AK4: variants seen among roughly 807,000 people sequenced by gnomAD.
The protein encoded by AK4 is adenylate kinase 4, also known as adenylate kinase 4, mitochondrial.
In AK4, 13 loss-of-function variants were observed where a neutral mutation model predicts 24.6. That is an observed-to-expected ratio of 0.53 (90% CI 0.34 to 0.84). The LOEUF is 0.84. AK4 is among the 40% of genes least tolerant of loss of function. AK4 has a pLI of 0.01. For missense variants in AK4, 192 were observed against 288.2 expected, an observed-to-expected ratio of 0.67 and a Z score of 2.42; for synonymous variants, 88 against 107.0, an observed-to-expected ratio of 0.82 and a Z score of 1.10.
intron 2 of AK4, among the ~76,000 whole-genome samples, chr1:65,209,895 C>G (rs533163156): frequency 1.2e-4 from 19 of 152,148 alleles, no homozygotes; most frequent in African/African-American, 4.3e-4. Context: ...GCAGCCTTGG[C>G]CTCCTGGACT....
At chr1:65,211,507 C>T (rs140589987) in intron 2 of AK4, among the ~76,000 whole-genome samples, 3 of 152,270 alleles carry the variant, frequency 2.0e-5, no homozygotes, top group Admixed American at 1.3e-4. Flanking sequence ...TGGTACATGG[C>T]GTGTGATTGT....
At chr1:65,211,494 G>A (rs1355348124) in intron 2 of AK4, among the ~76,000 whole-genome samples, 2 of 152,242 alleles carry the variant, frequency 1.3e-5, no homozygotes, top group Non-Finnish European at 2.9e-5. Context: ...AGACAGCATG[G>A]TGTGGTACAT....
chr1:65,179,225 G>C (rs1241120966), intron 1 of AK4, among the ~76,000 whole-genome samples: 1 of 152,236 alleles, frequency 6.6e-6, no homozygotes, highest in African/African-American at 2.4e-5. Flanking sequence ...ACAGTCAGCA[G>C]CTCGGTTCTT....
intron 2 of AK4, among the ~76,000 whole-genome samples, chr1:65,215,103 A>G (rs1001857480): frequency 6.6e-6 from 1 of 152,130 alleles, no homozygotes; most frequent in Admixed American, 6.5e-5. Flanking sequence ...CTACTCTAGG[A>G]AAGTCTGGGA....
At chr1:65,183,107 A>T (rs2101028663) in intron 1 of AK4, among the ~76,000 whole-genome samples, 1 of 152,300 alleles carries the variant, frequency 6.6e-6, no homozygotes, top group African/African-American at 2.4e-5. Flanking sequence ...TATTTTGTGG[A>T]TTTAAAGAGT....
At chr1:65,162,986 A>G (rs1224985274) in intron 1 of AK4, among the ~76,000 whole-genome samples, 1 of 152,162 alleles carries the variant, frequency 6.6e-6, no homozygotes, top group African/African-American at 2.4e-5. Flanking sequence ...TTTATTGCCA[A>G]ATAATTTATT....
At chr1:65,155,094 C>A (rs1018915174) in intron 1 of AK4, among the ~76,000 whole-genome samples, 6 of 151,530 alleles carry the variant, frequency 4.0e-5, no homozygotes, top group Non-Finnish European at 7.4e-5. Context: ...AGGTGATCCA[C>A]CTGCCTCGGC....
intron 1 of AK4, among the ~76,000 whole-genome samples, chr1:65,151,635 A>T (rs1649774646): frequency 6.6e-6 from 1 of 152,164 alleles, no homozygotes; most frequent in Non-Finnish European, 1.5e-5. Flanking sequence ...CCTAATGTAT[A>T]AAAGGAGCTT....
intron 1 of AK4, among the ~76,000 whole-genome samples, chr1:65,188,686 G>A (rs577797118): frequency 1.3e-5 from 2 of 151,900 alleles, no homozygotes; most frequent in Admixed American, 1.3e-4. Flanking sequence ...CACCGTGTTA[G>A]CCAGGATGGT....
chr1:65,149,370 T>C (rs998216090), intron 1 of AK4, among the ~76,000 whole-genome samples: 2 of 152,064 alleles, frequency 1.3e-5, no homozygotes, highest in Non-Finnish European at 2.9e-5. Context: ...TGCGTCCCTT[T>C]CCCCCTCTCC....
At chr1:65,148,157 GAGGGCGAGGAGGTGGAGA>G (rs1343055276), upstream of AK4, 4 of 709,766 alleles carry the variant, frequency 5.6e-6, no homozygotes, top group African/African-American at 5.5e-5. Flanking sequence ...GGAGGTGGAG[GAGGGCGAGGAGGTGGAGA>G]AGGGCGGGGA....
intron 1 of AK4, among the ~76,000 whole-genome samples, chr1:65,161,577 C>T (rs186882997): frequency 7.9e-5 from 12 of 152,336 alleles, no homozygotes; most frequent in Non-Finnish European, 1.6e-4. Context: ...GTTGCAGCTA[C>T]AGGTCATTTT....
chr1:65,192,725 T>C (rs1651344218), intron 2 of AK4, among the ~76,000 whole-genome samples: 1 of 152,164 alleles, frequency 6.6e-6, no homozygotes, highest in Non-Finnish European at 1.5e-5. Flanking sequence ...ACTTCCAAAA[T>C]GCTATGGTAG....
chr1:65,225,845 G>T (rs1275163844), intron 4 of AK4, among the ~76,000 whole-genome samples: 1 of 152,172 alleles, frequency 6.6e-6, no homozygotes, highest in South Asian at 2.1e-4. Flanking sequence ...GAGAAAAAAG[G>T]TGGCATCATG....
intron 2 of AK4, among the ~76,000 whole-genome samples, chr1:65,213,667 A>C (rs956719790): frequency 2.6e-5 from 4 of 152,174 alleles, no homozygotes; most frequent in Admixed American, 2.6e-4. Flanking sequence ...TACATTTGAC[A>C]GGGATTGTCA....
intron 2 of AK4, among the ~76,000 whole-genome samples, chr1:65,203,414 T>C (rs1351526153): frequency 6.6e-6 from 1 of 152,164 alleles, no homozygotes; most frequent in East Asian, 1.9e-4. Context: ...ATTTCAATAA[T>C]AACTTACTGA....
At position 65,190,451 on chromosome 1, in the gene AK4, G is replaced by T. The variant is rs868490679; in HGVS notation, c.146-259G>T. On this transcript the variant is annotated intron_variant, in intron 1 of 4. Transcript: ENST00000327299. ...CACTGTTTCTTTCTTCCTTTTTTTG[G>T]GGGGGGGGCGGGAGGAGGGGTGGTG... Among the ~76,000 whole-genome samples, 861 of 132,714 alleles carry T rather than the reference G, an allele frequency of 6.5e-3. 14 individuals carry two copies. Among genetic ancestry groups the T allele is most frequent in the African/African-American group, 0.026 (798 of 30,150 alleles). 87.1% of individuals were successfully genotyped at this position (132,714 alleles called of 152,430 possible).
intron 1 of AK4, among the ~76,000 whole-genome samples, chr1:65,157,781 C>A (rs1173396419): frequency 6.6e-6 from 1 of 151,782 alleles, no homozygotes; most frequent in African/African-American, 2.4e-5. Context: ...AGAGCAAGAC[C>A]CTGTCTCTGA....
rs398047005 is a variant in AK4, at chr1:65,152,370, A to C, written c.145+3818A>C. ...TCTCTCTCTCTCTCTCTATATATATATATATATATATATATTTTTTTTTTT... is the reference window on the plus strand; with the variant it reads ...TCTCTCTCTCTCTCTCTATATATATCTATATATATATATATTTTTTTTTTT... On this transcript the variant is annotated intron_variant, in intron 1 of 4. Coordinates refer to ENST00000327299, the MANE Select transcript of AK4 (RefSeq NM_013410.4). Among the ~76,000 whole-genome samples the C allele has an allele frequency of 5.9e-3, 376 of 63,436 alleles. 1 individual carries two copies. Among genetic ancestry groups the C allele is most frequent in the African/African-American group, 0.017 (317 of 18,274 alleles). 41.6% of individuals were successfully genotyped at this position (63,436 alleles called of 152,430 possible).
Sources: allele counts gnomAD v4.1 joint callset (sites outside exome capture counted in the v4.1 genomes callset), GRCh38; gene constraint gnomAD v4.1.1; transcripts MANE v1.5; gene names NCBI Gene and HGNC (gene_info 2026-07-23, HGNC 2026-07-21).